TYW1B: variants seen among roughly 807,000 people sequenced by gnomAD.
TYW1B encodes tRNA-yW synthesizing protein 1 homolog B, also known as S-adenosyl-L-methionine-dependent tRNA 4-demethylwyosine synthase TYW1B.
A neutral mutation model predicts 86.9 loss-of-function variants in TYW1B; 73 were observed. The ratio of observed to expected loss-of-function variants is 0.84; its 90% confidence interval spans 0.70 to 1.02. The LOEUF (loss-of-function observed/expected upper bound fraction) is 1.02. Among genes scored for constraint, TYW1B ranks in the 50% least tolerant of loss-of-function variants. The pLI is 0.00. For synonymous variants in TYW1B, 248 were observed against 292.8 expected (o/e 0.85, Z 1.56); for missense variants, 637 against 827.4 (o/e 0.77, Z 2.82).
chr7:72,671,468 G>A (rs1318482023), intron 11 of TYW1B, among the ~76,000 whole-genome samples: 2 of 152,112 alleles, frequency 1.3e-5, no homozygotes, highest in African/African-American at 4.8e-5. Context: ...TCACATGAAT[G>A]TATGTCTCAG....
At position 72,738,360 on chromosome 7, in the gene TYW1B, G is replaced by A. The variant is rs567528569; in HGVS notation, c.1082+6124C>T. ...AGCCTCCCAAAGTGCTGGGATTACA[G>A]GCATGAGCCACTGCGCCCGGCCTGG... On this transcript the variant is annotated intron_variant, in intron 8 of 13. Coordinates refer to ENST00000620995, the MANE Select transcript of TYW1B (RefSeq NM_001145440.3). Among the ~76,000 whole-genome samples the A allele has an allele frequency of 2.7e-3, 411 of 152,300 alleles. 1 individual carries two copies. Among genetic ancestry groups the A allele is most frequent in the African/African-American group, 8.9e-3 (371 of 41,574 alleles).
At chr7:72,604,884 T>C (rs2129568136) in intron 13 of TYW1B, among the ~76,000 whole-genome samples, 1 of 152,284 alleles carries the variant, frequency 6.6e-6, no homozygotes, top group Middle Eastern at 3.4e-3. Flanking sequence ...GATTTGTCTT[T>C]CCGCTGCTCA....
intron 11 of TYW1B, among the ~76,000 whole-genome samples, chr7:72,652,540 T>C (rs1455087972): frequency 1.3e-5 from 2 of 152,018 alleles, no homozygotes; most frequent in African/African-American, 4.8e-5. Flanking sequence ...TATTGAATGA[T>C]TGGGAATAGT....
At chr7:72,610,659 A>G (rs1225579612) in intron 13 of TYW1B, among the ~76,000 whole-genome samples, 4 of 152,150 alleles carry the variant, frequency 2.6e-5, no homozygotes, top group Non-Finnish European at 5.9e-5. Flanking sequence ...TGTTTTAGAA[A>G]TGGAGGAGGG....
At chr7:72,721,489 GGT>G (rs1219510929) in intron 9 of TYW1B, among the ~76,000 whole-genome samples, 9 of 152,000 alleles carry the variant, frequency 5.9e-5, no homozygotes, top group African/African-American at 2.2e-4. Context: ...GCATTTCTCT[GGT>G]AATAGCCTCT....
intron 10 of TYW1B, chr7:72,697,986 GGA>G (rs1205253020): frequency 6.5e-6 from 1 of 154,140 alleles, no homozygotes; most frequent in African/African-American, 2.4e-5. Context: ...GGAAAAAAAA[GGA>G]GAGAGATTTA....
intron 7 of TYW1B, chr7:72,769,131 C>T (rs1554469095): frequency 2.3e-6 from 1 of 438,994 alleles, no homozygotes; most frequent in Admixed American, 3.6e-5. Context: ...AGGATGCTTT[C>T]ATCTCTGTGT....
At chr7:72,655,987 C>T (rs868966425) in intron 11 of TYW1B, among the ~76,000 whole-genome samples, 2 of 152,240 alleles carry the variant, frequency 1.3e-5, no homozygotes, top group Admixed American at 6.5e-5. Flanking sequence ...ACTGCCACCA[C>T]TATTGCATGA....
intron 7 of TYW1B, among the ~76,000 whole-genome samples, chr7:72,771,327 T>C (rs1414945182): frequency 6.6e-6 from 1 of 152,156 alleles, no homozygotes; most frequent in East Asian, 1.9e-4. Flanking sequence ...AAGAATTCCC[T>C]AGGGAAAAGG....
At chr7:72,728,723 C>G in intron 9 of TYW1B, 99 bp downstream of exon 9, 1 of 1,194,932 alleles carries the variant, frequency 8.4e-7, no homozygotes, top group Non-Finnish European at 1.2e-6. Flanking sequence ...GAAAATTTGC[C>G]AGTGGGGACA....
chr7:72,816,786 C>A (rs1294754359), intron 2 of TYW1B, among the ~76,000 whole-genome samples: 2 of 152,226 alleles, frequency 1.3e-5, no homozygotes, highest in Non-Finnish European at 2.9e-5. Context: ...ACAATGGAGA[C>A]TGTTGACTTG....
At chr7:72,757,147 C>T (rs1158174447) in intron 7 of TYW1B, among the ~76,000 whole-genome samples, 2 of 152,010 alleles carry the variant, frequency 1.3e-5, no homozygotes, top group Admixed American at 6.6e-5. Context: ...GTGGGCAGAT[C>T]GCCTGAGGTC....
intron 11 of TYW1B, among the ~76,000 whole-genome samples, chr7:72,657,260 T>G (rs1813226601): frequency 6.6e-6 from 1 of 152,078 alleles, no homozygotes; most frequent in Admixed American, 6.5e-5. Context: ...AAAGAACTTC[T>G]GAACTTGAAG....
At chr7:72,681,750 TA>T (rs1327981949) in intron 11 of TYW1B, among the ~76,000 whole-genome samples, 3 of 145,922 alleles carry the variant, frequency 2.1e-5, no homozygotes, top group African/African-American at 7.7e-5. Context: ...TATGCTCAGC[TA>T]ATTTTTTGTA....
rs1554479203 is a variant in TYW1B, at chr7:72,815,369, C to T, written c.237+11G>A. The T allele has an allele frequency of 1.3e-6, 2 of 1,570,384 alleles. No homozygotes were observed. The highest frequency in any genetic ancestry group is 1.7e-6 in the Non-Finnish European group (2 of 1,164,104). ...TGAGAGTTTTGATTGAAGAAAAAGA[C>T]AATTACCAACCTCTTCTATCAGATG... On this transcript the variant is annotated intron_variant, in intron 3 of 13. Coordinates refer to ENST00000620995, the MANE Select transcript of TYW1B (RefSeq NM_001145440.3).
intron 11 of TYW1B, among the ~76,000 whole-genome samples, 192 bp from the exon 12 acceptor site, chr7:72,629,189 G>A (rs1554439472): frequency 6.6e-6 from 1 of 152,178 alleles, no homozygotes; most frequent in Admixed American, 6.5e-5. Context: ...CATGCCTTAT[G>A]GAAGGCACAT....
intron 7 of TYW1B, among the ~76,000 whole-genome samples, chr7:72,759,635 T>C (rs1787654277): frequency 6.6e-6 from 1 of 152,168 alleles, no homozygotes; most frequent in Non-Finnish European, 1.5e-5. Context: ...ACTCACTATC[T>C]CTCTATTTGT....
chr7:72,739,559 T>C (rs1261323691), intron 8 of TYW1B, among the ~76,000 whole-genome samples: 2 of 146,794 alleles, frequency 1.4e-5, no homozygotes, highest in African/African-American at 5.1e-5. Flanking sequence ...TGAGCCAAGA[T>C]CATGCCATTG....
At chr7:72,614,493 T>A (rs112105596) in intron 13 of TYW1B, among the ~76,000 whole-genome samples, 2 of 151,716 alleles carry the variant, frequency 1.3e-5, no homozygotes, top group Middle Eastern at 6.8e-3. Context: ...ATTAAATGGG[T>A]GTGGTGGCTC....
Sources: gnomAD v4.1 joint callset for allele counts (sites outside exome capture counted in the v4.1 genomes callset) on GRCh38, gnomAD v4.1.1 for gene constraint, MANE v1.5 for transcripts, NCBI Gene and HGNC (gene_info 2026-07-23, HGNC 2026-07-21) for gene names.